Variants in MCTP1 observed in about 807,000 individuals in gnomAD.
MCTP1 encodes the protein multiple C2 and transmembrane domain containing 1, also known as multiple C2 and transmembrane domain-containing protein 1.
MCTP1 carries 69 observed loss-of-function variants against 120.6 expected under a neutral mutation model. The observed-to-expected ratio is 0.57, with a 90% CI of 0.47 to 0.70. The LOEUF (loss-of-function observed/expected upper bound fraction) is 0.70. MCTP1 is among the 30% of genes least tolerant of loss of function. The pLI, the probability that MCTP1 is intolerant of heterozygous loss-of-function variation, is 0.00. For missense variants in MCTP1, 1,203 were observed against 1,248.8 expected (o/e 0.96, Z 0.55); for synonymous variants, 529 against 493.1 (o/e 1.07, Z -0.96).
intron 2 of MCTP1, among the ~76,000 whole-genome samples, chr5:94,958,202 T>A (rs893330762): frequency 6.6e-6 from 1 of 151,946 alleles, no homozygotes; most frequent in Non-Finnish European, 1.5e-5. Flanking sequence ...CAGAAATAAA[T>A]AAGTTCTTTG....
At chr5:95,138,983 T>G (rs1759683868) in intron 1 of MCTP1, among the ~76,000 whole-genome samples, 1 of 152,166 alleles carries the variant, frequency 6.6e-6, no homozygotes, top group South Asian at 2.1e-4. Flanking sequence ...CACACACACA[T>G]TATAAGGTTG....
At chr5:95,248,385 A>G (rs568276063) in intron 1 of MCTP1, among the ~76,000 whole-genome samples, 1 of 152,268 alleles carries the variant, frequency 6.6e-6, no homozygotes, top group Admixed American at 6.5e-5. Context: ...AATAATAGAC[A>G]GAGAGCCAAA....
At chr5:95,189,299 G>A (rs946575622) in intron 1 of MCTP1, among the ~76,000 whole-genome samples, 4 of 152,122 alleles carry the variant, frequency 2.6e-5, no homozygotes, top group Admixed American at 6.6e-5. Flanking sequence ...GGAGTGAAGC[G>A]ACTGCAAAAG....
chr5:94,979,504 A>G (rs1347047104), intron 2 of MCTP1: 1 of 152,136 alleles, frequency 6.6e-6, no homozygotes, highest in Non-Finnish European at 1.5e-5. Flanking sequence ...GAGTATAGCC[A>G]AGAATGCTAC....
intron 1 of MCTP1, among the ~76,000 whole-genome samples, chr5:95,210,147 T>C (rs1024938133): frequency 1.3e-5 from 2 of 152,178 alleles, no homozygotes; most frequent in Non-Finnish European, 2.9e-5. Context: ...AAAATGTATA[T>C]TCTGTTGATT....
chr5:95,239,913 T>C (rs2152676222), intron 1 of MCTP1, among the ~76,000 whole-genome samples: 1 of 152,288 alleles, frequency 6.6e-6, no homozygotes, highest in African/African-American at 2.4e-5. Flanking sequence ...ATTTCTTACA[T>C]ATGTTATTAC....
intron 18 of MCTP1, among the ~76,000 whole-genome samples, chr5:94,794,871 G>A (rs1779683643): frequency 6.6e-6 from 1 of 152,148 alleles, no homozygotes; most frequent in South Asian, 2.1e-4. Flanking sequence ...GGTAGAGTTA[G>A]TGCTACTGGC....
Position 95,121,140 on chromosome 5 carries a change from C to T in MCTP1, c.721-103656G>A, listed in dbSNP as rs544117362. 2.6e-3 allele frequency among the ~76,000 whole-genome samples: 399 copies of T among 151,642 alleles called. 1 individual carries two copies. The highest frequency in any genetic ancestry group is 3.9e-3 in the Non-Finnish European group (263 of 67,820). ...AAAAATACAAAAAATTAGCCTGGTGCGGTGGCGGGTGCCTGTAGTCCCAGC... is the reference window on the plus strand; with the variant it reads ...AAAAATACAAAAAATTAGCCTGGTGTGGTGGCGGGTGCCTGTAGTCCCAGC... On this transcript the variant is annotated intron_variant, in intron 1 of 22. Coordinates refer to ENST00000515393, the MANE Select transcript of MCTP1 (RefSeq NM_024717.7).
intron 1 of MCTP1, among the ~76,000 whole-genome samples, chr5:95,152,964 C>T (rs575559544): frequency 5.3e-4 from 80 of 152,254 alleles, no homozygotes; most frequent in East Asian, 7.7e-4. Context: ...AGGATATGGG[C>T]ATGTGGTCCT....
intron 17 of MCTP1, among the ~76,000 whole-genome samples, chr5:94,813,242 G>GA (rs1304095178): frequency 1.3e-5 from 2 of 152,118 alleles, no homozygotes; most frequent in Non-Finnish European, 1.5e-5. Flanking sequence ...AGTTACTAGG[G>GA]AAACGTAAAT....
At chr5:95,083,816 A>T (rs1318896611) in intron 1 of MCTP1, among the ~76,000 whole-genome samples, 1 of 152,194 alleles carries the variant, frequency 6.6e-6, no homozygotes, top group Non-Finnish European at 1.5e-5. Flanking sequence ...CTGGAGAATT[A>T]CAGTAGTCAA....
rs189056791 is a variant in MCTP1, at chr5:95,082,727, C to A, written c.721-65243G>T. 3.9e-5 allele frequency among the ~76,000 whole-genome samples: 6 copies of A among 152,110 alleles called. No homozygotes were observed. In the East Asian group the frequency reaches 9.7e-4, roughly 25 times the overall value. On this transcript the variant is annotated intron_variant, in intron 1 of 22. Transcript: ENST00000515393. ...TCATTTTGGTACTAGTGTTGGAGAT[C>A]TAGTGTATGTTTTGCACTTGTGTGA...
intron 1 of MCTP1, among the ~76,000 whole-genome samples, chr5:95,020,902 C>T (rs772346602): frequency 3.0e-4 from 45 of 151,990 alleles, no homozygotes; most frequent in Non-Finnish European, 4.6e-4. Flanking sequence ...TCTGAAGTCC[C>T]CATGATCTGC....
intron 17 of MCTP1, among the ~76,000 whole-genome samples, chr5:94,817,283 C>T (rs115676800): frequency 1.3e-3 from 205 of 152,226 alleles, no homozygotes; most frequent in African/African-American, 4.7e-3. Flanking sequence ...TGCCGCATGC[C>T]TGTAATCCCA....
chr5:94,978,276 G>T (rs991785828), intron 2 of MCTP1, among the ~76,000 whole-genome samples: 1 of 151,970 alleles, frequency 6.6e-6, no homozygotes, highest in African/African-American at 2.4e-5. Flanking sequence ...TGCAGTTACT[G>T]TGGAAAACAA....
At chr5:95,069,999 G>A (rs1002044232) in intron 1 of MCTP1, among the ~76,000 whole-genome samples, 3 of 152,202 alleles carry the variant, frequency 2.0e-5, no homozygotes, top group East Asian at 1.9e-4. Flanking sequence ...CATCGTGCCC[G>A]GCCGACCCTC....
chr5:95,051,489 G>A (rs1745885855), intron 1 of MCTP1, among the ~76,000 whole-genome samples: 1 of 152,094 alleles, frequency 6.6e-6, no homozygotes, highest in African/African-American at 2.4e-5. Flanking sequence ...ACACTCTGCT[G>A]GCATTCCTTC....
At chr5:94,999,698 C>T (rs1452782414) in intron 2 of MCTP1, among the ~76,000 whole-genome samples, 2 of 152,170 alleles carry the variant, frequency 1.3e-5, no homozygotes, top group Non-Finnish European at 2.9e-5. Context: ...AGTAATATTA[C>T]TTAGGTGTGA....
At chr5:95,254,549 C>T (rs1178252150) in intron 1 of MCTP1, among the ~76,000 whole-genome samples, 1 of 152,064 alleles carries the variant, frequency 6.6e-6, no homozygotes, top group Admixed American at 6.6e-5. Flanking sequence ...CCTTTCAGTA[C>T]TTAATCTCAA....
Sources: allele counts gnomAD v4.1 joint callset (sites outside exome capture counted in the v4.1 genomes callset), GRCh38; gene constraint gnomAD v4.1.1; transcripts MANE v1.5; gene names NCBI Gene and HGNC (gene_info 2026-07-23, HGNC 2026-07-21).